The following SEMA6A variants were observed in gnomAD, a reference collection of about 807,000 sequenced individuals.
SEMA6A encodes the protein semaphorin-6A.
In SEMA6A, 25 loss-of-function variants were observed where a neutral mutation model predicts 96.8. The ratio of observed to expected loss-of-function variants is 0.26; its 90% confidence interval spans 0.19 to 0.36. The LOEUF (loss-of-function observed/expected upper bound fraction) is 0.36. Ranked by LOEUF, SEMA6A falls within the 10% of genes least tolerant of loss-of-function variation. SEMA6A has a pLI of 1.00. For synonymous variants in SEMA6A, 612 were observed against 518.0 expected, an observed-to-expected ratio of 1.18 and a Z score of -2.46; for missense variants, 1,363 against 1,323.1, an observed-to-expected ratio of 1.03 and a Z score of -0.47.
At chr5:116,497,113 C>T (rs1757640843) in intron 4 of SEMA6A, among the ~76,000 whole-genome samples, 1 of 152,152 alleles carries the variant, frequency 6.6e-6, no homozygotes, top group South Asian at 2.1e-4. Context: ...TGTATATGTA[C>T]ACATATATTT....
intron 11 of SEMA6A, among the ~76,000 whole-genome samples, chr5:116,480,746 G>A (rs768931074): frequency 5.3e-5 from 8 of 152,144 alleles, no homozygotes; most frequent in Non-Finnish European, 1.2e-4. Flanking sequence ...GCAAGACTCC[G>A]TGTAATCATG....
At chr5:116,475,281 GC>G (rs1756390380) in intron 16 of SEMA6A, among the ~76,000 whole-genome samples, 1 of 152,134 alleles carries the variant, frequency 6.6e-6, no homozygotes, top group African/African-American at 2.4e-5. Flanking sequence ...TTACTGCTTT[GC>G]TACAATTAAT....
At chr5:116,503,654 C>T (rs1024123806) in intron 2 of SEMA6A, among the ~76,000 whole-genome samples, 3 of 151,942 alleles carry the variant, frequency 2.0e-5, no homozygotes, top group Non-Finnish European at 2.9e-5. Flanking sequence ...GAACTACAGG[C>T]ATGCACCACC....
chr5:116,464,530 T>C (rs1217075383), intron 18 of SEMA6A, among the ~76,000 whole-genome samples: 2 of 152,172 alleles, frequency 1.3e-5, no homozygotes, highest in Non-Finnish European at 2.9e-5. Context: ...TTTGTTAGTA[T>C]GACTGTATAT....
At chr5:116,533,762 A>T (rs766764843) in intron 1 of SEMA6A, among the ~76,000 whole-genome samples, 7 of 152,200 alleles carry the variant, frequency 4.6e-5, no homozygotes, top group Non-Finnish European at 7.3e-5. Context: ...CTGGATCTTT[A>T]TCAGGGGACA....
At chr5:116,540,730 A>G (rs1381228968) in intron 1 of SEMA6A, among the ~76,000 whole-genome samples, 2 of 152,164 alleles carry the variant, frequency 1.3e-5, no homozygotes, top group Non-Finnish European at 2.9e-5. Context: ...AGAGAGAGGG[A>G]AAAAAACTTG....
intron 1 of SEMA6A, among the ~76,000 whole-genome samples, chr5:116,561,540 A>G (rs1760817865): frequency 6.6e-6 from 1 of 152,252 alleles, no homozygotes. Context: ...ATGGTTGATG[A>G]CATGCATTGT....
intron 1 of SEMA6A, among the ~76,000 whole-genome samples, chr5:116,553,058 G>A (rs534158189): frequency 6.6e-6 from 1 of 152,180 alleles, no homozygotes; most frequent in Non-Finnish European, 1.5e-5. Context: ...AAAGCAAACC[G>A]CTTAGAAAAC....
intron 1 of SEMA6A, among the ~76,000 whole-genome samples, chr5:116,532,717 G>C (rs966077782): frequency 6.6e-6 from 1 of 151,690 alleles, no homozygotes; most frequent in African/African-American, 2.4e-5. Context: ...CTTTTCCCTA[G>C]GAAAATCAAT....
chr5:116,551,399 AAGC>A (rs1437325606), intron 1 of SEMA6A, among the ~76,000 whole-genome samples: 1 of 151,622 alleles, frequency 6.6e-6, no homozygotes, highest in African/African-American at 2.4e-5. Context: ...TACCTTTACA[AAGC>A]AGAAGATTTG....
At chr5:116,458,139 G>T (rs1755135232) in intron 18 of SEMA6A, among the ~76,000 whole-genome samples, 1 of 152,128 alleles carries the variant, frequency 6.6e-6, no homozygotes, top group Non-Finnish European at 1.5e-5. Flanking sequence ...AGAAAGAAAG[G>T]TCTGAGACAA....
At chr5:116,495,283 C>T (rs1416647670) in intron 6 of SEMA6A, 130 bp downstream of exon 6, 62 of 704,810 alleles carry the variant, frequency 8.8e-5, no homozygotes, top group Non-Finnish European at 2.0e-5. Context: ...TGGAGCAATA[C>T]ATTAAGTTGA....
At chr5:116,556,220 A>G (rs541110673) in intron 1 of SEMA6A, among the ~76,000 whole-genome samples, 5 of 152,368 alleles carry the variant, frequency 3.3e-5, no homozygotes, top group Admixed American at 2.0e-4. Context: ...GGCATGTACT[A>G]TATTTCCTAC....
chr5:116,563,423 C>A (rs9327006), intron 1 of SEMA6A, among the ~76,000 whole-genome samples: 38,240 of 151,994 alleles, frequency 0.25, 5,015 homozygotes, highest in African/African-American at 0.32. Context: ...CACATTTTTC[C>A]TTGTAATGAG....
chr5:116,548,601 C>CAAG (rs1290795924), intron 1 of SEMA6A, among the ~76,000 whole-genome samples: 1 of 152,140 alleles, frequency 6.6e-6, no homozygotes, highest in Non-Finnish European at 1.5e-5. Context: ...ATAGCTTCTT[C>CAAG]AGCTCAAGAG....
At chr5:116,517,734 A>G (rs924066812) in intron 1 of SEMA6A, among the ~76,000 whole-genome samples, 1 of 152,186 alleles carries the variant, frequency 6.6e-6, no homozygotes, top group Non-Finnish European at 1.5e-5. Context: ...TATCATCCAG[A>G]AGCAGCAGAA....
intron 17 of SEMA6A, chr5:116,469,085 C>T (rs1755945968): frequency 6.6e-6 from 1 of 151,984 alleles, no homozygotes; most frequent in Non-Finnish European, 1.5e-5. Context: ...CAGGAAAAAG[C>T]AAGCCAAGTG....
intron 1 of SEMA6A, among the ~76,000 whole-genome samples, chr5:116,539,682 TGGA>T (rs1759879124): frequency 6.6e-6 from 1 of 152,056 alleles, no homozygotes; most frequent in Non-Finnish European, 1.5e-5. Context: ...TAATAACTGA[TGGA>T]TTTCCTTCAA....
intron 1 of SEMA6A, among the ~76,000 whole-genome samples, chr5:116,509,381 A>T (rs949031231): frequency 1.3e-5 from 2 of 152,190 alleles, no homozygotes; most frequent in Admixed American, 6.5e-5. Flanking sequence ...TTCTAATATC[A>T]TATGAAGTTT....
Sources: gnomAD v4.1 joint callset for allele counts (sites outside exome capture counted in the v4.1 genomes callset) on GRCh38, gnomAD v4.1.1 for gene constraint, MANE v1.5 for transcripts, NCBI Gene and HGNC (gene_info 2026-07-23, HGNC 2026-07-21) for gene names.